SMIM13: variants seen among roughly 807,000 people sequenced by gnomAD.
SMIM13 encodes small integral membrane protein 13.
Under a neutral mutation model 5.9 loss-of-function variants are expected in SMIM13, and 3 were observed. That is an observed-to-expected ratio of 0.51 (90% CI 0.23 to 1.31). The LOEUF is 1.31. SMIM13 is among the 40% of genes most tolerant of loss of function. The pLI is 0.18. For missense variants in SMIM13, 85 were observed against 109.9 expected (o/e 0.77, Z 1.01); for synonymous variants, 55 against 46.0 (o/e 1.19, Z -0.79).
In SMIM13 at chr6:11,107,374, T is replaced by C. The variant is rs191010795; in HGVS notation, c.76+12985T>C. On this transcript the variant is annotated intron_variant, in intron 1 of 1. Transcript: ENST00000416247. ...AAGGAAGTTTGGTGTTTGGACTAGA[T>C]GTTGGATTCCCAGTTCTCTTGTTGG... Among the ~76,000 whole-genome samples, 62 of 152,350 alleles carry C rather than the reference T, an allele frequency of 4.1e-4. 2 individuals are homozygous for C. The highest frequency in any genetic ancestry group is 3.4e-3 in the Middle Eastern group (1 of 294).
chr6:11,104,111 C>T (rs1467374171), intron 1 of SMIM13: 14 of 1,551,000 alleles, frequency 9.0e-6, no homozygotes, highest in South Asian at 6.0e-5. Context: ...CTTGCATGGT[C>T]GTTAAGGCTT....
At chr6:11,129,046 A>T (rs1048173216) in intron 1 of SMIM13, among the ~76,000 whole-genome samples, 2 of 148,470 alleles carry the variant, frequency 1.3e-5, no homozygotes, top group Non-Finnish European at 3.0e-5. Flanking sequence ...TTTTGTGTGG[A>T]TAGTTGTTCA....
intron 1 of SMIM13, among the ~76,000 whole-genome samples, chr6:11,128,341 C>T (rs1213603154): frequency 6.6e-6 from 1 of 152,132 alleles, no homozygotes; most frequent in East Asian, 1.9e-4. Flanking sequence ...GGAATGGCAA[C>T]CTCATGACTC....
rs1240078199 is a variant in SMIM13 at position 11,113,305 on chromosome 6, C to T, written c.76+18916C>T. Among the ~76,000 whole-genome samples, 4 of 152,202 alleles carry T rather than the reference C, an allele frequency of 2.6e-5. No individual in the cohort carries two copies. The East Asian group carries it at 7.7e-4, about 29-fold the overall frequency. ...CATCACCAACATTTGATGGTATTGT[C>T]TGTTTTTAATTTAGCCATTCTAGAG... On this transcript the variant is annotated intron_variant, in intron 1 of 1. Coordinates refer to ENST00000416247, the MANE Select transcript of SMIM13 (RefSeq NM_001135575.2).
intron 1 of SMIM13, chr6:11,104,112 G>T: frequency 3.9e-6 from 6 of 1,551,708 alleles, no homozygotes; most frequent in Non-Finnish European, 5.2e-6. Flanking sequence ...TTGCATGGTC[G>T]TTAAGGCTTT....
rs1758515441 is a variant in SMIM13 at position 11,136,111 on chromosome 6, C to A, written c.*1509C>A. 1 of 151,984 alleles carries A rather than the reference C, an allele frequency of 6.6e-6. No homozygotes were observed. The highest frequency in any genetic ancestry group is 6.6e-5 in the Admixed American group (1 of 15,262). The allele number at this position is 151,984 out of a possible 1,614,324, so 9.4% of individuals were successfully genotyped here. A position where few individuals can be genotyped will look rare whatever the true frequency, so the allele number is the denominator to read the frequency against. ...TTAGGAAGAGTGGGATTAGTTACTC[C>A]CTTTGTATAGGAGGACTTTATGCTC... On this transcript the variant is annotated 3_prime_UTR_variant, in exon 2 of 2. Coordinates refer to ENST00000416247, the MANE Select transcript of SMIM13 (RefSeq NM_001135575.2).
chr6:11,110,064 C>G (rs1758145456), intron 1 of SMIM13, among the ~76,000 whole-genome samples: 1 of 152,104 alleles, frequency 6.6e-6, no homozygotes, highest in Non-Finnish European at 1.5e-5. Flanking sequence ...TTTATTGAGG[C>G]ACAATTACCC....
chr6:11,131,933 A>C (rs1227501622), intron 1 of SMIM13, among the ~76,000 whole-genome samples: 7 of 152,180 alleles, frequency 4.6e-5, no homozygotes, highest in Non-Finnish European at 1.0e-4. Context: ...GGCTTCCTTA[A>C]AATCAAAAAC....
intron 1 of SMIM13, among the ~76,000 whole-genome samples, chr6:11,094,628 G>GT (rs746090177): frequency 6.6e-6 from 1 of 152,228 alleles, no homozygotes; most frequent in Non-Finnish European, 1.5e-5. Context: ...CTGCCTCTGA[G>GT]TGAAACTCAG....
chr6:11,120,554 C>T (rs1164562940), intron 1 of SMIM13, among the ~76,000 whole-genome samples: 1 of 152,186 alleles, frequency 6.6e-6, no homozygotes, highest in East Asian at 1.9e-4. Context: ...CAAATACTGT[C>T]ACATTGGGGA....
intron 1 of SMIM13, among the ~76,000 whole-genome samples, chr6:11,101,022 T>C (rs1050737856): frequency 6.7e-6 from 1 of 148,774 alleles, no homozygotes; most frequent in African/African-American, 2.4e-5. Context: ...AATTTCCTCC[T>C]CTCCATTTTC....
intron 1 of SMIM13, chr6:11,105,315 A>G: frequency 6.2e-7 from 1 of 1,602,488 alleles, no homozygotes; most frequent in South Asian, 1.1e-5. Context: ...GCCCATGGTG[A>G]CCTAAGAGAA....
At chr6:11,121,774 C>T (rs1356400656) in intron 1 of SMIM13, among the ~76,000 whole-genome samples, 1 of 152,218 alleles carries the variant, frequency 6.6e-6, no homozygotes, top group Non-Finnish European at 1.5e-5. Context: ...TACAATTCTA[C>T]TTGGAGCAAG....
chr6:11,110,075 G>A (rs1218587266), intron 1 of SMIM13, among the ~76,000 whole-genome samples: 2 of 152,122 alleles, frequency 1.3e-5, no homozygotes, highest in African/African-American at 2.4e-5. Context: ...ACAATTACCC[G>A]TTTGTAAAGA....
chr6:11,100,184 C>G (rs1757972902), intron 1 of SMIM13, among the ~76,000 whole-genome samples: 1 of 152,044 alleles, frequency 6.6e-6, no homozygotes, highest in African/African-American at 2.4e-5. Context: ...CCTCAGCCTC[C>G]CGAGTAGCTG....
At chr6:11,096,438 T>G (rs1349916635) in intron 1 of SMIM13, among the ~76,000 whole-genome samples, 2 of 152,122 alleles carry the variant, frequency 1.3e-5, no homozygotes, top group Non-Finnish European at 2.9e-5. Context: ...GACACCTTAG[T>G]TTTTGGAATA....
At chr6:11,129,515 AT>A (rs1371422379) in intron 1 of SMIM13, among the ~76,000 whole-genome samples, 1 of 152,232 alleles carries the variant, frequency 6.6e-6, no homozygotes, top group Non-Finnish European at 1.5e-5. Context: ...TCTCTTGAAT[AT>A]ACTGATTTCC....
intron 1 of SMIM13, among the ~76,000 whole-genome samples, chr6:11,106,278 C>T (rs1758081379): frequency 6.6e-6 from 1 of 152,206 alleles, no homozygotes; most frequent in Non-Finnish European, 1.5e-5. Flanking sequence ...CCACGAGGTA[C>T]TTAAACCTGT....
At chr6:11,105,518 G>C in intron 1 of SMIM13, 1 of 545,142 alleles carries the variant, frequency 1.8e-6, no homozygotes, top group East Asian at 3.1e-5. Flanking sequence ...CCAGTGCCTT[G>C]CAAGTGTATT....
Sources: gnomAD v4.1 joint callset for allele counts (sites outside exome capture counted in the v4.1 genomes callset) on GRCh38, gnomAD v4.1.1 for gene constraint, MANE v1.5 for transcripts, NCBI Gene and HGNC (gene_info 2026-07-23, HGNC 2026-07-21) for gene names.